Variants in SRP68 observed in about 807,000 individuals in gnomAD.
The protein encoded by SRP68 is signal recognition particle 68.
SRP68 carries 15 observed loss-of-function variants against 82.2 expected under a neutral mutation model. That is an observed-to-expected ratio of 0.18 (90% CI 0.12 to 0.28). The LOEUF is 0.28. Among genes scored for constraint, SRP68 ranks in the 10% least tolerant of loss-of-function variants. SRP68 has a pLI of 1.00. For synonymous variants in SRP68, 261 were observed against 292.6 expected (o/e 0.89, Z 1.10); for missense variants, 595 against 780.5 (o/e 0.76, Z 2.83).
At chr17:76,049,560 A>G (rs2066656773) in intron 9 of SRP68, 1 of 152,188 alleles carries the variant, frequency 6.6e-6, no homozygotes, top group Non-Finnish European at 1.5e-5. Flanking sequence ...CAGACTAAGG[A>G]AGGCTTGTAC....
intron 3 of SRP68, among the ~76,000 whole-genome samples, chr17:76,066,346 G>A (rs748174783): frequency 6.6e-6 from 1 of 151,872 alleles, no homozygotes; most frequent in East Asian, 1.9e-4. Context: ...CAGCTACTCC[G>A]GAGGCTGAGG....
chr17:76,046,934 C>T (rs1196196715), intron 10 of SRP68, among the ~76,000 whole-genome samples: 3 of 152,238 alleles, frequency 2.0e-5, no homozygotes, highest in Non-Finnish European at 4.4e-5. Context: ...GAGCGAGACT[C>T]CATCTCTCTA....
At chr17:76,068,482 G>T (rs1183237684) in intron 2 of SRP68, among the ~76,000 whole-genome samples, 1 of 150,174 alleles carries the variant, frequency 6.7e-6, no homozygotes, top group African/African-American at 2.5e-5. Flanking sequence ...AGAAGAAGAA[G>T]AAGAATGAGG....
At chr17:76,061,622 C>T (rs373383806) in intron 4 of SRP68, 48 bp from the exon 5 acceptor site, 43 of 1,478,670 alleles carry the variant, frequency 2.9e-5, no homozygotes, top group Non-Finnish European at 4.1e-5. Flanking sequence ...CAAACCAGTG[C>T]TCCCACTCAA....
intron 4 of SRP68, among the ~76,000 whole-genome samples, chr17:76,062,844 C>T (rs2066777877): frequency 7.1e-6 from 1 of 140,174 alleles, no homozygotes; most frequent in Admixed American, 8.0e-5. Context: ...AATCTCAGCT[C>T]ACTGCAAGCT....
At chr17:76,061,055 A>G (rs751368492) in intron 6 of SRP68, 55 bp downstream of exon 6, 10 of 1,074,104 alleles carry the variant, frequency 9.3e-6, no homozygotes, top group African/African-American at 1.6e-5. Context: ...TGAGCTCCCA[A>G]TAGGCCATCT....
rs1455836866 is a variant in SRP68, at chr17:76,050,485, C to T, written c.1020G>A (p.Met340Ile). The T allele has an allele frequency of 6.2e-7, 1 of 1,613,804 alleles. No individual in the cohort carries two copies. Among genetic ancestry groups the T allele is most frequent in the Non-Finnish European group, 8.5e-7 (1 of 1,179,910 alleles). ...EETKERLFESMLSECRDAIQV... is the reference protein window; with the variant it reads ...EETKERLFESILSECRDAIQV... ...GGATGGCGTCCCGACACTCGCTGAGCATTGATTCAAACAGGCGCTCCTTAG... is the reference window on the plus strand; with the variant it reads ...GGATGGCGTCCCGACACTCGCTGAGTATTGATTCAAACAGGCGCTCCTTAG... The change falls in exon 9 of 16, where the codon ATG becomes ATA. Residue 340 changes from methionine to isoleucine, a missense_variant. By Grantham distance (10) the Met-to-Ile change is conservative. Around this residue, in one of 2 missense-constraint regions of SRP68, gnomAD observed 495 missense variants for 688.6 expected, o/e 0.72. Coordinates refer to ENST00000307877, the MANE Select transcript of SRP68 (RefSeq NM_014230.4).
Position 76,072,429 on chromosome 17 carries a change from GCCA to G in SRP68, c.60_62del (p.Gly21del), listed in dbSNP as rs2066861897. ...CACCGCCGCTACCGCCGCCGCCACT[GCCA>G]CCGCCGCCGCCACTGCCGCCGCCGC... On this transcript the variant is annotated inframe_deletion, in exon 1 of 16. Transcript: ENST00000307877. This position sits in a 1 kb window ranked among gnomAD's most constrained non-coding sequence, Gnocchi z 4.5. The G allele has an allele frequency of 6.4e-7, 1 of 1,570,766 alleles. No individual in the cohort carries two copies. The highest frequency in any genetic ancestry group is 1.1e-5 in the South Asian group (1 of 90,112).
chr17:76,053,597 A>G, intron 8 of SRP68: 2 of 985,396 alleles, frequency 2.0e-6, no homozygotes, highest in Non-Finnish European at 2.4e-6. Flanking sequence ...GCTCCCACAA[A>G]GCTCTAAGTT....
rs950275340 is a variant in SRP68 at position 76,044,036 on chromosome 17, G to T, written c.1395-78C>A. On this transcript the variant is annotated intron_variant, in intron 12 of 15. Coordinates refer to ENST00000307877, the MANE Select transcript of SRP68 (RefSeq NM_014230.4). The stretch of plus-strand genomic sequence containing the variant: ...CCAAGGCTTTCCTTGCAGTTTAGGC[G>T]AAATTTCACATTTGGAAACAGGTTT... 4 of 1,501,474 alleles carry T rather than the reference G, an allele frequency of 2.7e-6. No homozygotes were observed. In the East Asian group the frequency reaches 9.7e-5, roughly 36 times the overall value. The allele number at this position is 1,501,474 out of a possible 1,614,324, so 93.0% of individuals were successfully genotyped here.
In SRP68 at chr17:76,067,325, T is replaced by G; in HGVS notation, c.257A>C (p.Tyr86Ser). 6.2e-7 allele frequency: 1 copy of G among 1,611,278 alleles called. No individual in the cohort carries two copies. The highest frequency in any genetic ancestry group is 8.5e-7 in the Non-Finnish European group (1 of 1,178,468). ...AAGACGTCTTTGTCTACGGGAACAG[T>G]AGCCCCTGTAAGAAACCACAAACAA... ...RHGDFQRYRG[Y>S]CSRRQRRLRK... is the part of the protein sequence containing the mutation. The change falls in exon 3 of 16, where the codon TAC becomes TCC. Residue 86 changes from tyrosine (Y) to serine (S), a missense_variant. By Grantham distance (144) the Tyr-to-Ser change is moderately radical (BLOSUM62 -2). Coordinates refer to ENST00000307877, the MANE Select transcript of SRP68 (RefSeq NM_014230.4).
intron 10 of SRP68, among the ~76,000 whole-genome samples, chr17:76,047,673 C>T (rs2066641453): frequency 6.6e-6 from 1 of 151,806 alleles, no homozygotes; most frequent in African/African-American, 2.4e-5. Context: ...GTAGTCCCAG[C>T]TACTCAGTGG....
chr17:76,068,756 T>C (rs1201502013), intron 2 of SRP68, among the ~76,000 whole-genome samples: 2 of 152,088 alleles, frequency 1.3e-5, no homozygotes, highest in African/African-American at 4.8e-5. Context: ...TATAAATCCC[T>C]TTAGTGCAGG....
rs750307320 is a variant in SRP68 at position 76,057,586 on chromosome 17, T to C, written c.838-43A>G. ...AAAGTTAAAGCTTTAACTGGGGATA[T>C]GAGTGATGGAGGTGAAAATAAGTGG... On this transcript the variant is annotated intron_variant, in intron 7 of 15. Coordinates refer to ENST00000307877, the MANE Select transcript of SRP68 (RefSeq NM_014230.4). 6 of 1,606,446 alleles carry C rather than the reference T, an allele frequency of 3.7e-6. No homozygotes were observed. In the African/African-American group the frequency reaches 6.7e-5, roughly 18 times the overall value.
At position 76,045,955 on chromosome 17, in the gene SRP68, G is replaced by T; in HGVS notation, c.1299+83C>A. On this transcript the variant is annotated intron_variant, in intron 11 of 15. Transcript: ENST00000307877. ...AGGTCCTGCTTGTCACAGCCCTTCC[G>T]TGATACAAAGTTAAGTCACTTTGTG... 2.6e-6 allele frequency: 4 copies of T among 1,554,966 alleles called. No homozygotes were observed. The South Asian group carries it at 3.4e-5, about 13-fold the overall frequency.
chr17:76,051,040 T>C (rs1651605566), intron 8 of SRP68, among the ~76,000 whole-genome samples: 1 of 152,134 alleles, frequency 6.6e-6, no homozygotes, highest in African/African-American at 2.4e-5. Flanking sequence ...TTCTTTTAGG[T>C]ACAAGGAAAT....
chr17:76,065,636 T>C (rs936925990), intron 3 of SRP68, among the ~76,000 whole-genome samples: 1 of 152,074 alleles, frequency 6.6e-6, no homozygotes, highest in Non-Finnish European at 1.5e-5. Context: ...CTAGACTGCA[T>C]GCACGGATAC....
At position 76,067,254 on chromosome 17, in the gene SRP68, C is replaced by T; in HGVS notation, c.328G>A (p.Gly110Arg). The change falls in exon 3 of 16, where the codon GGG becomes AGG. Residue 110 changes from glycine to arginine, a missense_variant. By Grantham distance (125) the Gly-to-Arg change is moderately radical. Around this residue, in one of 2 missense-constraint regions of SRP68, gnomAD observed 495 missense variants for 688.6 expected, o/e 0.72. Transcript: ENST00000307877. Reference protein sequence around the residue: ...FKMGNRHKFTGKKVTEELLTD... With the variant: ...FKMGNRHKFTRKKVTEELLTD... The stretch of plus-strand genomic sequence containing the variant: ...AGAAGCTCTTCAGTCACTTTCTTCC[C>T]TGTGAATTTGTGTCTGTTACCCATC... 6.2e-7 allele frequency: 1 copy of T among 1,613,816 alleles called. No individual in the cohort carries two copies. Among genetic ancestry groups the T allele is most frequent in the Non-Finnish European group, 8.5e-7 (1 of 1,179,856 alleles).
chr17:76,043,593 CT>C (rs2144484028), intron 13 of SRP68: 1 of 288,948 alleles, frequency 3.5e-6, no homozygotes, highest in East Asian at 7.2e-5. Context: ...GTTTTTGTTT[CT>C]TTTAAATCAG....
Sources: allele counts gnomAD v4.1 joint callset (sites outside exome capture counted in the v4.1 genomes callset), GRCh38; gene constraint gnomAD v4.1.1; regional missense constraint gnomAD v4.1.1; non-coding constraint Gnocchi (gnomAD v3.1); transcripts MANE v1.5; gene names NCBI Gene and HGNC (gene_info 2026-07-23, HGNC 2026-07-21).